Variants in LDHC observed in about 807,000 individuals in gnomAD.
LDHC encodes lactate dehydrogenase C, also known as L-lactate dehydrogenase C chain.
In LDHC, 20 loss-of-function variants were observed where a neutral mutation model predicts 30.2. The observed-to-expected ratio is 0.66, with a 90% CI of 0.47 to 0.96. The LOEUF (loss-of-function observed/expected upper bound fraction) is 0.96. LDHC is among the 40% of genes least tolerant of loss of function. The pLI is 0.00. For synonymous variants in LDHC, 139 were observed against 132.7 expected, an observed-to-expected ratio of 1.05 and a Z score of -0.32; for missense variants, 362 against 394.9, an observed-to-expected ratio of 0.92 and a Z score of 0.71.
intron 2 of LDHC, among the ~76,000 whole-genome samples, chr11:18,414,958 C>G (rs1037184214): frequency 6.6e-6 from 1 of 152,086 alleles, no homozygotes; most frequent in Non-Finnish European, 1.5e-5. Context: ...ACACCCAGCT[C>G]TAAAAAGTTC....
Position 18,434,754 on chromosome 11 carries a change from T to C in LDHC, c.433T>C (p.Tyr145His), listed in dbSNP as rs1188240847. Reference protein sequence around the residue: ...VVSNPVDILTYIVWKISGLPV... With the variant: ...VVSNPVDILTHIVWKISGLPV... The stretch of plus-strand genomic sequence containing the variant: ...TTTCTTCTTAGTGGATATTTTGACA[T>C]ATATAGTCTGGAAGATAAGTGGCTT... Residue 145 changes from tyrosine (Y) to histidine (H), a missense_variant, in exon 5 of 8, where the codon TAT (tyrosine) becomes CAT (histidine). Transcript: ENST00000541669. The C allele has an allele frequency of 1.9e-6, 3 of 1,600,842 alleles. No individual in the cohort carries two copies. Among genetic ancestry groups the C allele is most frequent in the Non-Finnish European group, 2.6e-6 (3 of 1,168,828 alleles).
chr11:18,445,498 C>T (rs766478933), intron 6 of LDHC, among the ~76,000 whole-genome samples: 10 of 152,084 alleles, frequency 6.6e-5, no homozygotes, highest in Admixed American at 2.0e-4. Context: ...CCCCTGGCCA[C>T]TAGTAACAAT....
At chr11:18,445,931 C>T (rs765659219) in intron 6 of LDHC, among the ~76,000 whole-genome samples, 8 of 152,120 alleles carry the variant, frequency 5.3e-5, no homozygotes, top group Non-Finnish European at 1.2e-4. Context: ...GCCATGATCA[C>T]ACACAACTGC....
intron 4 of LDHC, among the ~76,000 whole-genome samples, chr11:18,431,088 C>T (rs1359854481): frequency 6.6e-6 from 1 of 151,822 alleles, no homozygotes; most frequent in African/African-American, 2.4e-5. Context: ...CCACTGCACT[C>T]CAGCCTGAGT....
intron 5 of LDHC, among the ~76,000 whole-genome samples, chr11:18,437,023 C>G (rs1210939408): frequency 5.3e-5 from 8 of 151,982 alleles, no homozygotes; most frequent in African/African-American, 1.7e-4. Context: ...TAATTTCTTC[C>G]CCTGGATTCA....
At chr11:18,417,848 G>T (rs1223560722) in intron 3 of LDHC, among the ~76,000 whole-genome samples, 1 of 152,030 alleles carries the variant, frequency 6.6e-6, no homozygotes, top group African/African-American at 2.4e-5. Context: ...TAGGAGGGTC[G>T]CATGAGGCCA....
At chr11:18,441,404 G>A (rs1008111718) in intron 6 of LDHC, among the ~76,000 whole-genome samples, 2 of 151,648 alleles carry the variant, frequency 1.3e-5, no homozygotes, top group Non-Finnish European at 2.9e-5. Context: ...CGCCTCCCGG[G>A]TTCAAGCAAT....
At chr11:18,438,274 A>G (rs780199068) in intron 5 of LDHC, among the ~76,000 whole-genome samples, 1 of 152,156 alleles carries the variant, frequency 6.6e-6, no homozygotes, top group Non-Finnish European at 1.5e-5. Context: ...TTAAACAACC[A>G]GATCTCACAT....
chr11:18,424,792 G>A (rs890362873), intron 3 of LDHC, among the ~76,000 whole-genome samples: 1 of 152,186 alleles, frequency 6.6e-6, no homozygotes, highest in Non-Finnish European at 1.5e-5. Flanking sequence ...CGGATCACTT[G>A]AGGTCAGGAG....
At chr11:18,434,966 G>T in intron 5 of LDHC, 53 bp downstream of exon 5, 1 of 1,210,936 alleles carries the variant, frequency 8.3e-7, no homozygotes. Context: ...CTCTACTAGT[G>T]CTTATTTCCT....
chr11:18,416,617 GC>G (rs1429734806), intron 3 of LDHC, among the ~76,000 whole-genome samples: 7 of 152,100 alleles, frequency 4.6e-5, no homozygotes, highest in Non-Finnish European at 1.0e-4. Context: ...TGGTTGTAGG[GC>G]AAGGCCTTTG....
intron 3 of LDHC, among the ~76,000 whole-genome samples, chr11:18,416,677 C>A: frequency 6.6e-6 from 1 of 151,148 alleles, no homozygotes; most frequent in African/African-American, 2.4e-5. Flanking sequence ...CATCCCTTCC[C>A]CCTTCCCTTC....
At chr11:18,431,552 G>GT (rs537474309) in intron 4 of LDHC, among the ~76,000 whole-genome samples, 52 of 152,072 alleles carry the variant, frequency 3.4e-4, no homozygotes, top group Middle Eastern at 3.4e-3. Flanking sequence ...GTTTTGTTTT[G>GT]TTTTTTTGTT....
chr11:18,438,062 AAAAG>A (rs1848388999), intron 5 of LDHC, among the ~76,000 whole-genome samples: 1 of 152,002 alleles, frequency 6.6e-6, no homozygotes, highest in Admixed American at 6.6e-5. Context: ...AAAAAAAAAC[AAAAG>A]AAATACCTGA....
rs1421396505 is a variant in LDHC, at chr11:18,415,214, G to A, written c.157G>A (p.Val53Ile). ...GGCTGATGAACTTGCCCTTGTTGAT[G>A]TTGCATTGGACAAACTGAAGGGAGA... ...DLADELALVD[V>I]ALDKLKGEMM... The change falls in exon 3 of 8, where the codon GTT becomes ATT. Residue 53 changes from valine (V) to isoleucine (I), a missense_variant. Val to Ile is a conservative substitution (Grantham distance 29). Transcript: ENST00000541669. 6.2e-7 allele frequency: 1 copy of A among 1,607,082 alleles called. No homozygotes were observed. The highest frequency in any genetic ancestry group is 1.7e-4 in the Middle Eastern group (1 of 6,036).
At chr11:18,443,006 T>G (rs1024483757) in intron 6 of LDHC, among the ~76,000 whole-genome samples, 5 of 152,160 alleles carry the variant, frequency 3.3e-5, no homozygotes, top group Admixed American at 1.3e-4. Context: ...TCACATCAAT[T>G]GAAAGTTTTA....
In LDHC at chr11:18,433,940, T is replaced by C. The variant is rs539007539; in HGVS notation, c.419-800T>C. Among the ~76,000 whole-genome samples, 15 of 152,328 alleles carry C rather than the reference T, an allele frequency of 9.8e-5. No homozygotes were observed. In the East Asian group the frequency reaches 2.7e-3, roughly 27 times the overall value. On this transcript the variant is annotated intron_variant, in intron 4 of 7. Coordinates refer to ENST00000541669, the MANE Select transcript of LDHC (RefSeq NM_017448.5). ...TTGTCTTCTTCCTCAGGAACACCGATTATTCTTAGGTTTGGTTGTTTATTG... is the reference window on the plus strand; with the variant it reads ...TTGTCTTCTTCCTCAGGAACACCGACTATTCTTAGGTTTGGTTGTTTATTG...
Position 18,412,807 on chromosome 11 carries a change from C to A in LDHC, c.90C>A (p.Ala30=). 2 of 1,613,874 alleles carry A rather than the reference C, an allele frequency of 1.2e-6. No individual in the cohort carries two copies. Among genetic ancestry groups the A allele is most frequent in the Non-Finnish European group, 1.7e-6 (2 of 1,179,858 alleles). The part of the protein sequence containing the change: ...QCKITIVGTG[A]VGMACAISIL... ...AAATTACTATTGTTGGAACTGGTGCCGTAGGCATGGCTTGTGCTATTAGTA... is the reference window on the plus strand; with the variant it reads ...AAATTACTATTGTTGGAACTGGTGCAGTAGGCATGGCTTGTGCTATTAGTA... The change falls in exon 2 of 8, where the codon GCC becomes GCA. Residue 30 remains alanine, a synonymous_variant. Coordinates refer to ENST00000541669, the MANE Select transcript of LDHC (RefSeq NM_017448.5).
At chr11:18,417,331 T>C (rs1867041196) in intron 3 of LDHC, among the ~76,000 whole-genome samples, 1 of 152,258 alleles carries the variant, frequency 6.6e-6, no homozygotes, top group Non-Finnish European at 1.5e-5. Context: ...TTTAGATTGC[T>C]TTAAAGTACT....
Sources: allele counts gnomAD v4.1 joint callset (sites outside exome capture counted in the v4.1 genomes callset), GRCh38; gene constraint gnomAD v4.1.1; transcripts MANE v1.5; gene names NCBI Gene and HGNC (gene_info 2026-07-23, HGNC 2026-07-21).